LRIF1: variants seen among roughly 807,000 people sequenced by gnomAD.
LRIF1 encodes the protein ligand-dependent nuclear receptor-interacting factor 1.
LRIF1 carries 32 observed loss-of-function variants against 52.7 expected under a neutral mutation model. The ratio of observed to expected loss-of-function variants is 0.61; its 90% CI spans 0.46 to 0.82. LRIF1 has a LOEUF of 0.82. Among genes scored for constraint, LRIF1 ranks in the 40% least tolerant of loss-of-function variants. LRIF1 has a pLI of 0.00. For synonymous variants in LRIF1, 323 were observed against 317.4 expected (o/e 1.02, Z -0.19); for missense variants, 887 against 892.0 (o/e 0.99, Z 0.07).
At chr1:110,919,102 G>T in the LRIF1 span, among the ~76,000 whole-genome samples, 90,259 of 151,980 alleles carry the variant, frequency 0.59, 27,334 homozygotes, top group East Asian at 0.84. Context: ...TGGCACAACA[G>T]AGTGAAACTA....
chr1:110,942,234 A>C (rs1331843721), downstream of LRIF1: 1 of 152,148 alleles, frequency 6.6e-6, no homozygotes, highest in African/African-American at 2.4e-5. Flanking sequence ...ATTTTCCCAC[A>C]GCCTTCCCAA....
Position 110,948,285 on chromosome 1 carries a change from C to T in LRIF1, c.1984G>A (p.Gly662Ser), listed in dbSNP as rs761774344. The change falls in exon 4 of 4, where the codon GGT (glycine) becomes AGT (serine). Residue 662 changes from glycine (G) to serine (S), a missense_variant. Physicochemically the swap from Gly to Ser is moderately conservative, Grantham distance 56. Transcript: ENST00000369763. ...AIINGEANVT[G>S]SQLLSSILPT... ...AAAATACTGCTTAGGAGTTGGGAAC[C>T]GGTGACATTAGCTTCCCCATTTATG... The T allele has an allele frequency of 8.1e-6, 13 of 1,613,920 alleles. No homozygotes were observed. The highest frequency in any genetic ancestry group is 5.0e-5 in the Admixed American group (3 of 59,988).
the LRIF1 span, chr1:110,899,112 C>G: frequency 6.2e-7 from 1 of 1,611,636 alleles, no homozygotes; most frequent in Non-Finnish European, 8.5e-7. Context: ...ATTTTCCCAA[C>G]TCTTTTCACA....
the LRIF1 span, among the ~76,000 whole-genome samples, chr1:110,925,406 A>G: frequency 9.7e-6 from 1 of 103,180 alleles, no homozygotes; most frequent in Non-Finnish European, 2.4e-5. Flanking sequence ...CCAATTTCTT[A>G]AAATCTTTCT....
chr1:110,879,785 C>T, the LRIF1 span, among the ~76,000 whole-genome samples: 1 of 151,958 alleles, frequency 6.6e-6, no homozygotes, highest in African/African-American at 2.4e-5. Context: ...TCAGGCTGGT[C>T]TTAAACTCCT....
the LRIF1 span, among the ~76,000 whole-genome samples, chr1:110,929,521 T>C: frequency 6.6e-6 from 1 of 152,194 alleles, no homozygotes; most frequent in African/African-American, 2.4e-5. Flanking sequence ...CTCAGTGATA[T>C]TGAGCTTTTT....
At chr1:110,912,655 A>G in the LRIF1 span, among the ~76,000 whole-genome samples, 2 of 152,214 alleles carry the variant, frequency 1.3e-5, no homozygotes, top group Non-Finnish European at 2.9e-5. Flanking sequence ...AAGAATTACA[A>G]AACACTGCTG....
chr1:110,952,290 C>T lies in LRIF1; in HGVS notation c.594G>A (p.Ala198=), dbSNP rs1452856559. Residue 198 remains alanine, a synonymous_variant, in exon 2 of 4, where the codon GCG becomes GCA. Transcript: ENST00000369763. ...GCTGCACTGAAGGAGGCAATGATGA[C>T]GCTGGTACAGATTTCACTTCAGCAT... is the stretch of plus-strand genomic sequence containing the variant. ...PAHAEVKSVP[A]SSLPPSVQQK... is the part of the protein sequence containing the mutation. 5.0e-6 allele frequency: 8 copies of T among 1,614,068 alleles called. No homozygotes were observed. The highest frequency in any genetic ancestry group is 1.1e-5 in the South Asian group (1 of 91,084).
At chr1:110,936,992 A>G in the LRIF1 span, 1 of 152,174 alleles carries the variant, frequency 6.6e-6, no homozygotes, top group Non-Finnish European at 1.5e-5. Context: ...GAGACAAGGA[A>G]GGTCATTCTA....
At chr1:110,948,698 A>C (rs981143389) in intron 3 of LRIF1, among the ~76,000 whole-genome samples, 1 of 152,200 alleles carries the variant, frequency 6.6e-6, no homozygotes, top group Non-Finnish European at 1.5e-5. Flanking sequence ...CTGAGATATA[A>C]AATTGATTGT....
chr1:110,908,889 CCCTGTAAGATATTATGCAAGATGA>C, the LRIF1 span, among the ~76,000 whole-genome samples: 1 of 152,026 alleles, frequency 6.6e-6, no homozygotes, highest in African/African-American at 2.4e-5. Context: ...TTCAGAGAAC[CCCTGTAAGATATTATGCAAGATGA>C]CCATCCCCAA....
At chr1:110,945,122 A>T (rs1658173316), downstream of LRIF1, 1 of 152,114 alleles carries the variant, frequency 6.6e-6, no homozygotes, top group Non-Finnish European at 1.5e-5. Flanking sequence ...GCCTCAAGTG[A>T]TCCTCCTGCC....
At chr1:110,949,411 C>T (rs1658362683) in intron 3 of LRIF1, among the ~76,000 whole-genome samples, 1 of 149,348 alleles carries the variant, frequency 6.7e-6, no homozygotes, top group Non-Finnish European at 1.5e-5. Flanking sequence ...AGCCACTGCA[C>T]CTGGCCTGGT....
intron 1 of LRIF1, among the ~76,000 whole-genome samples, chr1:110,958,202 G>A (rs1349674876): frequency 6.6e-6 from 1 of 152,144 alleles, no homozygotes; most frequent in Non-Finnish European, 1.5e-5. Flanking sequence ...TGAAATCTCT[G>A]CTCTTACCAG....
the LRIF1 span, chr1:110,891,586 C>G: frequency 1.3e-6 from 1 of 760,050 alleles, no homozygotes; most frequent in East Asian, 2.6e-5. Context: ...TGGGTCATGT[C>G]CAGCACAACC....
downstream of LRIF1, among the ~76,000 whole-genome samples, chr1:110,946,216 T>TA (rs532896951): frequency 1.3e-5 from 2 of 152,080 alleles, no homozygotes; most frequent in African/African-American, 2.4e-5. Flanking sequence ...TTAGACTAAG[T>TA]AAAAAAACAC....
rs1658289659 is a variant in LRIF1, at chr1:110,948,183, C to T, written c.2086G>A (p.Glu696Lys). The T allele has an allele frequency of 1.2e-6, 2 of 1,614,036 alleles. No homozygotes were observed. The highest frequency in any genetic ancestry group is 1.1e-5 in the South Asian group (1 of 91,078). ...KTRQEKRTEM[E>K]YYTHEKQEKG... is the part of the protein sequence containing the mutation. ...TCTTGCTTCTCATGGGTATAGTATTCCATCTCAGTTCTCTTTTCTTGTCTG... is the reference window on the plus strand; with the variant it reads ...TCTTGCTTCTCATGGGTATAGTATTTCATCTCAGTTCTCTTTTCTTGTCTG... The change falls in exon 4 of 4, where the codon GAA (glutamate) becomes AAA (lysine). Residue 696 changes from glutamate (E) to lysine (K), a missense_variant. Transcript: ENST00000369763.
intron 2 of LRIF1, 22 bp downstream of exon 2, chr1:110,951,266 C>A (rs1282125909): frequency 6.4e-7 from 1 of 1,568,534 alleles, no homozygotes; most frequent in Non-Finnish European, 8.6e-7. Context: ...ATAAAAAGAG[C>A]ACCCTGACAT....
the LRIF1 span, chr1:110,897,817 T>C: frequency 1.6e-5 from 25 of 1,604,662 alleles, no homozygotes; most frequent in Middle Eastern, 3.3e-4. Flanking sequence ...AGGGTTGCTA[T>C]GCGAAAGCAA....
Sources: allele counts gnomAD v4.1 joint callset (sites outside exome capture counted in the v4.1 genomes callset), GRCh38; gene constraint gnomAD v4.1.1; transcripts MANE v1.5; gene names NCBI Gene and HGNC (gene_info 2026-07-23, HGNC 2026-07-21).